Variants in RNF144A observed in about 807,000 individuals in gnomAD.
The protein encoded by RNF144A is E3 ubiquitin-protein ligase RNF144A.
A neutral mutation model predicts 38.7 loss-of-function variants in RNF144A; 11 were observed. The observed-to-expected ratio is 0.28, with a 90% confidence interval of 0.18 to 0.47. The LOEUF is 0.47. RNF144A is among the 20% of genes least tolerant of loss of function. The pLI is 0.99. For synonymous variants in RNF144A, 149 were observed against 143.9 expected, an observed-to-expected ratio of 1.04 and a Z score of -0.25; for missense variants, 316 against 377.2, an observed-to-expected ratio of 0.84 and a Z score of 1.34.
At chr2:6,953,053 GCTTTT>G (rs891305168) in intron 2 of RNF144A, among the ~76,000 whole-genome samples, 55 of 152,170 alleles carry the variant, frequency 3.6e-4, no homozygotes, top group African/African-American at 1.3e-3. Flanking sequence ...GGCTATAGTT[GCTTTT>G]CTTACTTTTT....
chr2:6,994,694 G>A (rs1202324933), intron 2 of RNF144A, among the ~76,000 whole-genome samples: 2 of 152,186 alleles, frequency 1.3e-5, no homozygotes, highest in Non-Finnish European at 2.9e-5. Context: ...AAACTATCTT[G>A]AAAGTGCTAG....
At chr2:6,927,936 C>T (rs1664980554) in intron 1 of RNF144A, among the ~76,000 whole-genome samples, 1 of 152,214 alleles carries the variant, frequency 6.6e-6, no homozygotes. Flanking sequence ...AGCCTTTTGA[C>T]CAGCTCTTCT....
chr2:6,999,442 T>C (rs557987063), intron 3 of RNF144A, among the ~76,000 whole-genome samples: 11 of 152,190 alleles, frequency 7.2e-5, no homozygotes, highest in Non-Finnish European at 1.6e-4. Context: ...CTGTCCTTTT[T>C]TGGGGGGTGC....
downstream of RNF144A, among the ~76,000 whole-genome samples, chr2:7,045,221 G>C (rs775124243): frequency 3.9e-5 from 6 of 152,246 alleles, no homozygotes; most frequent in Admixed American, 6.5e-5. Context: ...CCTGGTGGGG[G>C]CACAGTGTGC....
chr2:7,030,445 A>G (rs543018741), intron 8 of RNF144A, among the ~76,000 whole-genome samples: 1 of 152,208 alleles, frequency 6.6e-6, no homozygotes, highest in South Asian at 2.1e-4. Context: ...GTTAATGTCA[A>G]CGCGCATCAC....
intron 2 of RNF144A, among the ~76,000 whole-genome samples, chr2:6,976,678 A>T (rs536657324): frequency 1.3e-5 from 2 of 149,810 alleles, no homozygotes; most frequent in Non-Finnish European, 3.0e-5. Flanking sequence ...TAAACTTTAT[A>T]TATAATATGA....
At chr2:7,064,983 A>C (rs990617153) in intron 6 of RNF144A, among the ~76,000 whole-genome samples, 17 of 152,294 alleles carry the variant, frequency 1.1e-4, no homozygotes, top group African/African-American at 4.1e-4. Context: ...ATCATAGATA[A>C]ATAAAACTTT....
In RNF144A at chr2:7,040,208, G is replaced by GT. The variant is rs1672964052; in HGVS notation, c.*453dup. 1 of 986,828 alleles carries GT rather than the reference G, an allele frequency of 1.0e-6. No individual in the cohort carries two copies. Among genetic ancestry groups the GT allele is most frequent in the Non-Finnish European group, 1.2e-6 (1 of 831,056 alleles). The allele number at this position is 986,828 out of a possible 1,614,324, so 61.1% of individuals were successfully genotyped here. A position where few individuals can be genotyped will look rare whatever the true frequency, so the allele number is the denominator to read the frequency against. On this transcript the variant is annotated 3_prime_UTR_variant, in exon 9 of 9. Coordinates refer to ENST00000320892, the MANE Select transcript of RNF144A (RefSeq NM_014746.6). ...GAGAAGCACTCTGTTTATGACAACT[G>GT]TTTTTATTACTAATGGCATTTAGTA...
At chr2:6,951,331 G>C (rs970498844) in intron 2 of RNF144A, among the ~76,000 whole-genome samples, 3 of 148,780 alleles carry the variant, frequency 2.0e-5, no homozygotes, top group Non-Finnish European at 4.4e-5. Context: ...GCCCACCTCT[G>C]TGTCAATGCA....
chr2:6,927,568 G>C (rs1385324504), intron 1 of RNF144A, among the ~76,000 whole-genome samples: 14 of 152,244 alleles, frequency 9.2e-5, no homozygotes, highest in Admixed American at 9.2e-4. Flanking sequence ...ACAGAATGCA[G>C]ACAGGTGGAG....
chr2:6,955,424 G>A (rs1666940384), intron 2 of RNF144A, among the ~76,000 whole-genome samples: 1 of 152,116 alleles, frequency 6.6e-6, no homozygotes, highest in Admixed American at 6.5e-5. Flanking sequence ...TCATATTACA[G>A]AGGAGGGATC....
intron 2 of RNF144A, among the ~76,000 whole-genome samples, chr2:6,987,319 G>T (rs1014464474): frequency 6.6e-6 from 1 of 152,196 alleles, no homozygotes; most frequent in Non-Finnish European, 1.5e-5. Flanking sequence ...CACACCCGGG[G>T]CAGTGTTGGA....
intron 2 of RNF144A, among the ~76,000 whole-genome samples, chr2:6,982,236 GA>G (rs1352474648): frequency 6.6e-6 from 1 of 152,204 alleles, no homozygotes; most frequent in African/African-American, 2.4e-5. Context: ...ATACAGAATA[GA>G]GATATTGGTA....
intron 2 of RNF144A, among the ~76,000 whole-genome samples, chr2:6,986,769 A>G (rs1329673725): frequency 2.6e-5 from 4 of 152,132 alleles, no homozygotes; most frequent in South Asian, 2.1e-4. Flanking sequence ...AGGGTGGTTC[A>G]TTATCTGATA....
At chr2:7,038,142 A>G (rs914804796) in intron 8 of RNF144A, among the ~76,000 whole-genome samples, 4 of 152,236 alleles carry the variant, frequency 2.6e-5, no homozygotes, top group African/African-American at 4.8e-5. Context: ...AATACGTAAC[A>G]GTCAGTATTG....
At chr2:7,062,412 C>A (rs1673992910) in intron 6 of RNF144A, among the ~76,000 whole-genome samples, 1 of 149,454 alleles carries the variant, frequency 6.7e-6, no homozygotes. Context: ...GCTGGGAGTT[C>A]CTGCAAAGAC....
chr2:6,940,326 C>T (rs1665884421), intron 1 of RNF144A, among the ~76,000 whole-genome samples: 2 of 152,266 alleles, frequency 1.3e-5, no homozygotes, highest in South Asian at 4.2e-4. Context: ...CTTTCTGGTG[C>T]TATTCTAAAT....
intron 1 of RNF144A, among the ~76,000 whole-genome samples, chr2:6,922,867 G>A (rs981438674): frequency 6.6e-6 from 1 of 150,496 alleles, no homozygotes; most frequent in Non-Finnish European, 1.5e-5. Flanking sequence ...CTCATGATCC[G>A]CCCGCCTCGG....
At chr2:6,932,027 T>G (rs1453259365) in intron 1 of RNF144A, among the ~76,000 whole-genome samples, 1 of 152,266 alleles carries the variant, frequency 6.6e-6, no homozygotes, top group Middle Eastern at 3.2e-3. Context: ...AGTCTACAGC[T>G]ATTAGTAGTG....
Sources: gnomAD v4.1 joint callset for allele counts (sites outside exome capture counted in the v4.1 genomes callset) on GRCh38, gnomAD v4.1.1 for gene constraint, MANE v1.5 for transcripts, NCBI Gene and HGNC (gene_info 2026-07-23, HGNC 2026-07-21) for gene names.